Variants in RGS7BP observed in about 807,000 individuals in gnomAD.
The protein encoded by RGS7BP is regulator of G protein signaling 7 binding protein.
RGS7BP carries 9 observed loss-of-function variants against 31.3 expected under a neutral mutation model. That is an observed-to-expected ratio of 0.29 (90% CI 0.17 to 0.50). RGS7BP has a LOEUF of 0.50. Among genes scored for constraint, RGS7BP ranks in the 20% least tolerant of loss-of-function variants. RGS7BP has a pLI of 0.98. For missense variants in RGS7BP, 274 were observed against 322.0 expected (o/e 0.85, Z 1.14); for synonymous variants, 115 against 120.1 (o/e 0.96, Z 0.28).
intron 2 of RGS7BP, among the ~76,000 whole-genome samples, chr5:64,509,523 A>C (rs1024013943): frequency 6.6e-6 from 1 of 152,162 alleles, no homozygotes; most frequent in African/African-American, 2.4e-5. Context: ...GAAACTATTG[A>C]CTAAAAGTTG....
At chr5:64,605,564 C>T (rs1743330998) in intron 5 of RGS7BP, among the ~76,000 whole-genome samples, 1 of 152,126 alleles carries the variant, frequency 6.6e-6, no homozygotes, top group Non-Finnish European at 1.5e-5. Flanking sequence ...ATACTTACTG[C>T]TTGGTAAATT....
chr5:64,546,526 A>G (rs1316990773), intron 2 of RGS7BP, among the ~76,000 whole-genome samples: 1 of 152,192 alleles, frequency 6.6e-6, no homozygotes, highest in Non-Finnish European at 1.5e-5. Flanking sequence ...AGGGACCCTG[A>G]AAATGACCAT....
intron 2 of RGS7BP, among the ~76,000 whole-genome samples, chr5:64,522,282 C>G (rs1228842728): frequency 6.6e-6 from 1 of 152,204 alleles, no homozygotes; most frequent in Non-Finnish European, 1.5e-5. Context: ...GTTCCCTTGA[C>G]CACAGCAGAT....
chr5:64,571,392 A>C (rs973972879), intron 2 of RGS7BP, among the ~76,000 whole-genome samples: 2 of 152,170 alleles, frequency 1.3e-5, no homozygotes, highest in Non-Finnish European at 2.9e-5. Flanking sequence ...ATTCTTGTAG[A>C]ACTCTATTTG....
At chr5:64,510,158 G>A (rs955473607) in intron 2 of RGS7BP, among the ~76,000 whole-genome samples, 8 of 152,134 alleles carry the variant, frequency 5.3e-5, no homozygotes, top group Non-Finnish European at 8.8e-5. Context: ...TTTCTTGCGC[G>A]CCCACTATTT....
intron 2 of RGS7BP, among the ~76,000 whole-genome samples, chr5:64,562,191 A>G (rs552129939): frequency 1.3e-5 from 2 of 152,240 alleles, no homozygotes; most frequent in Admixed American, 6.5e-5. Context: ...AGAAAATGTA[A>G]TGCTTTTCTT....
intron 2 of RGS7BP, among the ~76,000 whole-genome samples, chr5:64,574,129 T>G (rs985932561): frequency 1.3e-5 from 2 of 152,180 alleles, no homozygotes; most frequent in Non-Finnish European, 2.9e-5. Context: ...ATAAATGTAT[T>G]AGTAGATAAT....
chr5:64,604,024 G>T (rs773950644), intron 5 of RGS7BP, among the ~76,000 whole-genome samples: 11 of 152,186 alleles, frequency 7.2e-5, no homozygotes, highest in Non-Finnish European at 1.6e-4. Flanking sequence ...GGTGGCAAGT[G>T]CAAAGGCAGC....
intron 2 of RGS7BP, among the ~76,000 whole-genome samples, chr5:64,520,209 C>G (rs1040494676): frequency 6.6e-6 from 1 of 152,138 alleles, no homozygotes; most frequent in African/African-American, 2.4e-5. Context: ...TTCTTGCCAC[C>G]ATATTGGGCT....
rs141751831 is a variant in RGS7BP, at chr5:64,599,559, C to G, written c.682+1124C>G. On this transcript the variant is annotated intron_variant, in intron 5 of 5. Coordinates refer to ENST00000334025, the MANE Select transcript of RGS7BP (RefSeq NM_001029875.3). ...GGGGTGGAGGTCAGAAAATAAGAAG[C>G]AGGGGCCACAGCACATCAGATAGCT... Among the ~76,000 whole-genome samples the G allele has an allele frequency of 3.8e-3, 576 of 152,274 alleles. 1 individual carries two copies. Among genetic ancestry groups the G allele is most frequent in the African/African-American group, 0.013 (554 of 41,548 alleles).
At chr5:64,590,856 G>C (rs938455759) in intron 3 of RGS7BP, among the ~76,000 whole-genome samples, 1 of 152,056 alleles carries the variant, frequency 6.6e-6, no homozygotes, top group Admixed American at 6.6e-5. Flanking sequence ...ATATTAGAAA[G>C]AGCAAAGTCA....
chr5:64,515,711 TAC>T lies in RGS7BP; in HGVS notation c.332+7856_332+7857del, dbSNP rs140297030. Among the ~76,000 whole-genome samples the T allele has an allele frequency of 2.7e-3, 400 of 148,542 alleles. 1 individual carries two copies. The highest frequency in any genetic ancestry group is 7.1e-3 in the African/African-American group (288 of 40,600). On this transcript the variant is annotated intron_variant, in intron 2 of 5. Coordinates refer to ENST00000334025, the MANE Select transcript of RGS7BP (RefSeq NM_001029875.3). Reference sequence around the variant, plus strand: ...ACATTTAATTACTTGCCTATATGCATACACACACACACACACACACACATATA... The same window carrying T: ...ACATTTAATTACTTGCCTATATGCATACACACACACACACACACACATATA...
Position 64,506,580 on chromosome 5 carries a change from C to T in RGS7BP, c.-45C>T, listed in dbSNP as rs749966232. On this transcript the variant is annotated 5_prime_UTR_variant, in exon 1 of 6. Coordinates refer to ENST00000334025, the MANE Select transcript of RGS7BP (RefSeq NM_001029875.3). The surrounding 1 kb of genome is among the most constrained non-coding windows in gnomAD (Gnocchi z 4.6). ...AGGGCAACAACCGGGCCGCCCGCGCCGGGGCGCACTGCACCAGCGGCTTCG... is the reference window on the plus strand; with the variant it reads ...AGGGCAACAACCGGGCCGCCCGCGCTGGGGCGCACTGCACCAGCGGCTTCG... 4 of 1,536,812 alleles carry T rather than the reference C, an allele frequency of 2.6e-6. No individual in the cohort carries two copies. The highest frequency in any genetic ancestry group is 3.5e-6 in the Non-Finnish European group (4 of 1,132,644).
chr5:64,567,357 T>A (rs1191135983), intron 2 of RGS7BP, among the ~76,000 whole-genome samples: 1 of 152,098 alleles, frequency 6.6e-6, no homozygotes, highest in Non-Finnish European at 1.5e-5. Context: ...CATAATTAAT[T>A]ATTAAAATAT....
At chr5:64,537,957 C>T (rs1401573287) in intron 2 of RGS7BP, among the ~76,000 whole-genome samples, 2 of 152,186 alleles carry the variant, frequency 1.3e-5, no homozygotes, top group Non-Finnish European at 2.9e-5. Context: ...GAGGAAAGAA[C>T]TCATAACCCT....
At chr5:64,523,757 G>A (rs901887446) in intron 2 of RGS7BP, among the ~76,000 whole-genome samples, 2 of 152,080 alleles carry the variant, frequency 1.3e-5, no homozygotes, top group East Asian at 3.9e-4. Context: ...ATTAGCCTTA[G>A]GAACATGTTA....
chr5:64,598,549 C>T (rs1743136795), intron 5 of RGS7BP, 114 bp downstream of exon 5: 2 of 734,038 alleles, frequency 2.7e-6, no homozygotes, highest in Admixed American at 2.1e-5. Context: ...AGGCATTGAG[C>T]ATTCATTAGT....
intron 3 of RGS7BP, among the ~76,000 whole-genome samples, chr5:64,583,778 C>T (rs1742666649): frequency 6.6e-6 from 1 of 152,162 alleles, no homozygotes; most frequent in Non-Finnish European, 1.5e-5. Flanking sequence ...TAACTAACTT[C>T]TGAAATCCAA....
In RGS7BP at chr5:64,521,247, T is replaced by C. The variant is rs532955053; in HGVS notation, c.332+13370T>C. Reference sequence around the variant, plus strand: ...TGAGGAAATCTGTGAACTTGATGGGTTTTTTAAATTCTTTTTTATTTATTT... The same window carrying C: ...TGAGGAAATCTGTGAACTTGATGGGCTTTTTAAATTCTTTTTTATTTATTT... On this transcript the variant is annotated intron_variant, in intron 2 of 5. Coordinates refer to ENST00000334025, the MANE Select transcript of RGS7BP (RefSeq NM_001029875.3). 5.3e-5 allele frequency among the ~76,000 whole-genome samples: 8 copies of C among 152,146 alleles called. No individual in the cohort carries two copies. The East Asian group carries it at 1.5e-3, about 29-fold the overall frequency.
Sources: gnomAD v4.1 joint callset for allele counts (sites outside exome capture counted in the v4.1 genomes callset) on GRCh38, gnomAD v4.1.1 for gene constraint, Gnocchi (gnomAD v3.1) non-coding constraint, MANE v1.5 for transcripts, NCBI Gene and HGNC (gene_info 2026-07-23, HGNC 2026-07-21) for gene names.